SLX9: variants seen among roughly 807,000 people sequenced by gnomAD.
The protein encoded by SLX9 is ribosome biogenesis protein SLX9 homolog.
A neutral mutation model predicts 20.8 loss-of-function variants in SLX9; 19 were observed. The ratio of observed to expected loss-of-function variants is 0.91; its 90% CI spans 0.64 to 1.34. The LOEUF (loss-of-function observed/expected upper bound fraction) is 1.34. Ranked by LOEUF, SLX9 falls within the 40% of genes most tolerant of loss-of-function variation. SLX9 has a pLI of 0.00. For missense variants in SLX9, 299 were observed against 322.2 expected (o/e 0.93, Z 0.55); for synonymous variants, 113 against 137.1 (o/e 0.82, Z 1.23).
At chr21:44,964,690 C>T (rs1002059127) in intron 3 of SLX9, among the ~76,000 whole-genome samples, 4 of 152,240 alleles carry the variant, frequency 2.6e-5, no homozygotes, top group African/African-American at 4.8e-5. Flanking sequence ...TCCTCCAAGG[C>T]GGCTGGGCCA....
intron 2 of SLX9, among the ~76,000 whole-genome samples, chr21:44,955,681 G>A (rs926979532): frequency 6.6e-6 from 1 of 152,110 alleles, no homozygotes; most frequent in East Asian, 1.9e-4. Context: ...TGCTGCTCCC[G>A]GCCCCCTCTT....
chr21:44,973,276 C>T lies in SLX9; in HGVS notation c.569+11C>T, dbSNP rs2085192048. The T allele has an allele frequency of 1.2e-6, 2 of 1,611,498 alleles. No individual in the cohort carries two copies. The highest frequency in any genetic ancestry group is 1.3e-5 in the African/African-American group (1 of 74,866). On this transcript the variant is annotated intron_variant, in intron 5 of 5. Transcript: ENST00000291634. The stretch of plus-strand genomic sequence containing the variant: ...GAGACAGCAGCTTCTGTGAGTGCAC[C>T]TGCCCACCTCCTCAGGGGTTCAGCT...
Position 44,940,171 on chromosome 21 carries a change from C to G in SLX9, c.114C>G (p.Ala38=). The G allele has an allele frequency of 7.9e-7, 1 of 1,270,198 alleles. No individual in the cohort carries two copies. The highest frequency in any genetic ancestry group is 4.3e-5 in the Admixed American group (1 of 23,520). The allele number at this position is 1,270,198 out of a possible 1,614,324, so 78.7% of individuals were successfully genotyped here. ...CCCCGGAGGCGACCCCTCCGCCGGC[C>G]TCGGCCGCGGGGAAGGTGAGCTGGG... ...PPAPEATPPP[A]SAAGKDWAFI... is the part of the protein sequence containing the mutation. The change falls in exon 1 of 6, where the codon GCC becomes GCG. Residue 38 remains alanine (A), a synonymous_variant. Transcript: ENST00000291634.
chr21:44,959,977 A>G (rs2084925294), intron 2 of SLX9, 123 bp from the exon 3 acceptor site: 4 of 834,428 alleles, frequency 4.8e-6, no homozygotes, highest in Non-Finnish European at 8.0e-6. Flanking sequence ...AGAGGCTGGC[A>G]CAGGCCAGAC....
intron 4 of SLX9, 90 bp downstream of exon 4, chr21:44,967,271 G>T: frequency 6.8e-7 from 1 of 1,471,402 alleles, no homozygotes; most frequent in Non-Finnish European, 9.0e-7. Flanking sequence ...CACGGGCCAC[G>T]GTGCTTCCTG....
intron 5 of SLX9, 80 bp from the exon 6 acceptor site, chr21:44,976,600 G>A (rs1262893579): frequency 1.3e-6 from 2 of 1,523,434 alleles, no homozygotes; most frequent in East Asian, 4.9e-5. Context: ...ATTCATTTCG[G>A]TGTCTGACGT....
intron 3 of SLX9, among the ~76,000 whole-genome samples, chr21:44,961,229 C>T (rs2084944879): frequency 6.6e-6 from 1 of 150,922 alleles, no homozygotes; most frequent in African/African-American, 2.5e-5. Context: ...TTCCATGGCA[C>T]TTGGTCCTTT....
Position 44,973,257 on chromosome 21 carries a change from G to A in SLX9, c.561G>A (p.Gln187=). The change falls in exon 5 of 6, where the codon CAG becomes CAA. Residue 187 remains glutamine (Q), a synonymous_variant. Coordinates refer to ENST00000291634, the MANE Select transcript of SLX9 (RefSeq NM_058190.4). ...GCCGGATGAGCGCAGCCCAGAGACA[G>A]CAGCTTCTGTGAGTGCACCTGCCCA... ...ELSRMSAAQR[Q]QLLEEERTRF... is the part of the protein sequence containing the mutation. 4 of 1,612,334 alleles carry A rather than the reference G, an allele frequency of 2.5e-6. No homozygotes were observed. Among genetic ancestry groups the A allele is most frequent in the African/African-American group, 1.3e-5 (1 of 74,998 alleles).
chr21:44,959,199 T>G (rs771109697), intron 2 of SLX9: 29 of 985,322 alleles, frequency 2.9e-5, no homozygotes, highest in East Asian at 1.1e-4. Context: ...AGGCAGGGCT[T>G]GCTTCTGCTT....
At chr21:44,943,922 C>G in intron 2 of SLX9, 85 bp downstream of exon 2, 2 of 1,566,174 alleles carry the variant, frequency 1.3e-6, no homozygotes, top group Non-Finnish European at 1.7e-6. Flanking sequence ...CAGCAGCTTT[C>G]CAGCTAACCT....
chr21:44,943,069 C>T (rs1454611334), intron 1 of SLX9, among the ~76,000 whole-genome samples: 1 of 152,196 alleles, frequency 6.6e-6, no homozygotes, highest in Non-Finnish European at 1.5e-5. Flanking sequence ...TCGATGCTGC[C>T]TTCCCTGCCA....
rs2084590337 is a variant in SLX9 at position 44,943,695 on chromosome 21, C to T, written c.141C>T (p.Phe47=). 1.2e-6 allele frequency: 2 copies of T among 1,614,104 alleles called. No homozygotes were observed. Among genetic ancestry groups the T allele is most frequent in the Non-Finnish European group, 8.5e-7 (1 of 1,179,954 alleles). ...GTTGGGGACATTAGGACTGGGCGTT[C>T]ATCAACACCAACATCTTTGCCAGGA... The part of the protein sequence containing the change: ...PASAAGKDWA[F]INTNIFARTK... Residue 47 remains phenylalanine (F), a synonymous_variant, in exon 2 of 6, where the codon TTC becomes TTT. Coordinates refer to ENST00000291634, the MANE Select transcript of SLX9 (RefSeq NM_058190.4).
At chr21:44,966,923 G>C in intron 3 of SLX9, 111 bp from the exon 4 acceptor site, 1 of 1,393,934 alleles carries the variant, frequency 7.2e-7, no homozygotes, top group Non-Finnish European at 9.9e-7. Flanking sequence ...GCGGGAAGGA[G>C]AGAGGCAGCA....
chr21:44,961,710 T>C (rs755404826), intron 3 of SLX9, among the ~76,000 whole-genome samples: 20 of 152,246 alleles, frequency 1.3e-4, no homozygotes, highest in Non-Finnish European at 2.6e-4. Context: ...TCTGATTAAA[T>C]TAAGAAGTTT....
Position 44,961,482 on chromosome 21 carries a change from G to C in SLX9, c.352+1314G>C, listed in dbSNP as rs570394765. On this transcript the variant is annotated intron_variant, in intron 3 of 5. Coordinates refer to ENST00000291634, the MANE Select transcript of SLX9 (RefSeq NM_058190.4). Reference sequence around the variant, plus strand: ...TGAGCCTCTAGTCCTAGCGACTTAGGAGGCTGAGGTAGGAAGATCGCTTCA... The same window carrying C: ...TGAGCCTCTAGTCCTAGCGACTTAGCAGGCTGAGGTAGGAAGATCGCTTCA... 2.6e-5 allele frequency among the ~76,000 whole-genome samples: 4 copies of C among 152,170 alleles called. No homozygotes were observed. In the South Asian group the frequency reaches 8.3e-4, roughly 32 times the overall value.
At chr21:44,948,320 G>A (rs1282895914) in intron 2 of SLX9, among the ~76,000 whole-genome samples, 3 of 126,806 alleles carry the variant, frequency 2.4e-5, no homozygotes, top group African/African-American at 1.0e-4. Flanking sequence ...GGAGCTGGTC[G>A]TGGAGCATCG....
chr21:44,968,510 C>T (rs1372510350), intron 4 of SLX9, among the ~76,000 whole-genome samples: 1 of 152,246 alleles, frequency 6.6e-6, no homozygotes, highest in South Asian at 2.1e-4. Context: ...CTGCCTGTGG[C>T]GCCCGTCTCC....
Position 44,973,212 on chromosome 21 carries a change from G to A in SLX9, c.516G>A (p.Lys172=). 6.2e-7 allele frequency: 1 copy of A among 1,613,138 alleles called. No homozygotes were observed. The highest frequency in any genetic ancestry group is 1.1e-5 in the South Asian group (1 of 91,080). ...GTGTCCACAGCAGGGAGAGCAACAAGCCCCGGCCCTCAGAGCTCAGCCGGA... is the reference window on the plus strand; with the variant it reads ...GTGTCCACAGCAGGGAGAGCAACAAACCCCGGCCCTCAGAGCTCAGCCGGA... ...RRQARSRESN[K]PRPSELSRMS... The change falls in exon 5 of 6, where the codon AAG becomes AAA. Residue 172 remains lysine, a synonymous_variant. Coordinates refer to ENST00000291634, the MANE Select transcript of SLX9 (RefSeq NM_058190.4).
At chr21:44,949,665 C>T (rs2084717458) in intron 2 of SLX9, among the ~76,000 whole-genome samples, 2 of 152,164 alleles carry the variant, frequency 1.3e-5, no homozygotes, top group South Asian at 4.1e-4. Context: ...CGGCTGTGTA[C>T]GACCTGCTGC....
Sources: allele counts gnomAD v4.1 joint callset (sites outside exome capture counted in the v4.1 genomes callset), GRCh38; gene constraint gnomAD v4.1.1; transcripts MANE v1.5; gene names NCBI Gene and HGNC (gene_info 2026-07-23, HGNC 2026-07-21).